UBAP2: variants seen among roughly 807,000 people sequenced by gnomAD.
UBAP2 encodes the protein ubiquitin-associated protein 2.
A neutral mutation model predicts 139.6 loss-of-function variants in UBAP2; 75 were observed. That is an observed-to-expected ratio of 0.54 (90% CI 0.45 to 0.65). UBAP2 has a LOEUF of 0.65. Among genes scored for constraint, UBAP2 ranks in the 30% least tolerant of loss-of-function variants. UBAP2 has a pLI of 0.00. For missense variants in UBAP2, 1,368 were observed against 1,369.6 expected, an observed-to-expected ratio of 1.00 and a Z score of 0.02; for synonymous variants, 526 against 526.2, an observed-to-expected ratio of 1.00 and a Z score of 0.01.
At chr9:33,949,575 C>T (rs1037662096) in intron 12 of UBAP2, among the ~76,000 whole-genome samples, 6 of 152,134 alleles carry the variant, frequency 3.9e-5, no homozygotes, top group Admixed American at 2.6e-4. Context: ...TGGTGGTGAA[C>T]GCCTGCAATC....
chr9:33,940,640 A>G (rs1307543475), intron 16 of UBAP2, among the ~76,000 whole-genome samples: 1 of 152,176 alleles, frequency 6.6e-6, no homozygotes, highest in African/African-American at 2.4e-5. Flanking sequence ...TCAGCCAGAC[A>G]TGGCAATGCA....
intron 8 of UBAP2, among the ~76,000 whole-genome samples, chr9:33,969,662 T>TGGATCATTTGAGAAAAGGAATATTGA (rs1554684836): frequency 1.4e-5 from 2 of 147,864 alleles, no homozygotes; most frequent in African/African-American, 2.5e-5. Context: ...AGGTCAGGAG[T>TGGATCATTTGAGAAAAGGAATATTGA]TCAAGACCAG....
chr9:34,007,733 G>A (rs1032382102), intron 2 of UBAP2, among the ~76,000 whole-genome samples: 3 of 149,190 alleles, frequency 2.0e-5, no homozygotes, highest in Non-Finnish European at 4.4e-5. Flanking sequence ...CTGCCTCCCC[G>A]ATTCACGCCA....
At chr9:33,992,191 C>A (rs1821767310) in intron 4 of UBAP2, among the ~76,000 whole-genome samples, 1 of 151,934 alleles carries the variant, frequency 6.6e-6, no homozygotes, top group African/African-American at 2.4e-5. Flanking sequence ...GAGTTCAAGA[C>A]CAGCCTGACC....
At chr9:34,008,673 A>G (rs1300298917) in intron 2 of UBAP2, among the ~76,000 whole-genome samples, 4 of 152,070 alleles carry the variant, frequency 2.6e-5, no homozygotes, top group African/African-American at 7.2e-5. Flanking sequence ...GCAATCCTTT[A>G]TGTAAAAAGC....
Position 33,922,544 on chromosome 9 carries a change from G to A in UBAP2, c.3320C>T (p.Ser1107Phe), listed in dbSNP as rs1822990924. The A allele has an allele frequency of 6.2e-7, 1 of 1,613,852 alleles. No homozygotes were observed. The highest frequency in any genetic ancestry group is 8.5e-7 in the Non-Finnish European group (1 of 1,180,004). ...PSSLQPKSQA[S>F]KPAYGNSPYW... ...TGGAGAGTTGCCGTAGGCAGGTTTG[G>A]AGGCTTGAGACTTGGGCTGCAGGGA... Residue 1107 changes from serine to phenylalanine, a missense_variant, in exon 29 of 29, where the codon TCC becomes TTC. Transcript: ENST00000379238.
At chr9:33,967,262 A>G (rs1827540024) in intron 8 of UBAP2, among the ~76,000 whole-genome samples, 1 of 152,174 alleles carries the variant, frequency 6.6e-6, no homozygotes, top group African/African-American at 2.4e-5. Context: ...ATTCTTTTAC[A>G]CAATCACAAA....
intron 16 of UBAP2, among the ~76,000 whole-genome samples, chr9:33,937,898 C>T (rs1015594745): frequency 7.2e-5 from 11 of 152,166 alleles, no homozygotes; most frequent in Admixed American, 6.5e-4. Flanking sequence ...GCCTGGGCAA[C>T]AACAGCAAAC....
At position 33,996,266 on chromosome 9, in the gene UBAP2, A is replaced by C; in HGVS notation, c.245T>G (p.Val82Gly). 6.2e-7 allele frequency: 1 copy of C among 1,613,754 alleles called. No individual in the cohort carries two copies. ...CAGCAATATATTGATAGCTTTGTTC[A>C]CATCTCCATTACAATCATGTAGGGC... is the stretch of plus-strand genomic sequence containing the variant. ...IVALHDCNGD[V>G]NKAINILLEG... Residue 82 changes from valine (V) to glycine (G), a missense_variant, in exon 4 of 29, where the codon GTG becomes GGG. Val to Gly is a moderately radical substitution (Grantham distance 109). Coordinates refer to ENST00000379238, the MANE Select transcript of UBAP2 (RefSeq NM_001370062.2).
rs769552411 is a variant in UBAP2, at chr9:33,924,278, A to G, written c.2518T>C (p.Tyr840His). The change falls in exon 23 of 29, where the codon TAT becomes CAT. Residue 840 changes from tyrosine (Y) to histidine (H), a missense_variant. Tyr to His is a moderately conservative substitution (Grantham distance 83). Coordinates refer to ENST00000379238, the MANE Select transcript of UBAP2 (RefSeq NM_001370062.2). ...MLQSRLPVDYYGIPFAAPTAL... is the reference protein window; with the variant it reads ...MLQSRLPVDYHGIPFAAPTAL... ...GTGGGTGCAGCAAAGGGAATTCCAT[A>G]GTAGTCCTAGGAGAGACCAGGGAGG... The G allele has an allele frequency of 1.2e-6, 2 of 1,614,044 alleles. No homozygotes were observed. The highest frequency in any genetic ancestry group is 1.7e-6 in the Non-Finnish European group (2 of 1,179,936).
In UBAP2 at chr9:33,922,878, T is replaced by C. The variant is rs1344155151; in HGVS notation, c.3073A>G (p.Thr1025Ala). Reference protein sequence around the residue: ...MTGSVYNKTQTFDKQGFHAGT... With the variant: ...MTGSVYNKTQAFDKQGFHAGT... ...GCATGAAATCCCTGCTTGTCAAAAG[T>C]CTACAGGGCAAAGAAGACAATGGTG... The change falls in exon 28 of 29, where the codon ACT (threonine) becomes GCT (alanine). Residue 1025 changes from threonine (T) to alanine (A), a missense_variant and splice_region_variant. By Grantham distance (58) the Thr-to-Ala change is moderately conservative. Transcript: ENST00000379238. 6.2e-7 allele frequency: 1 copy of C among 1,600,642 alleles called. No homozygotes were observed. Among genetic ancestry groups the C allele is most frequent in the East Asian group, 2.2e-5 (1 of 44,662 alleles).
chr9:33,932,738 AG>A lies in UBAP2; in HGVS notation c.2109-111del, dbSNP rs1426343886. ...TCAAACTTATCATAGTCCCTAGCAC[AG>A]GACCGGCTTCAGACCCATCCTCATT... On this transcript the variant is annotated intron_variant, in intron 18 of 28. Transcript: ENST00000379238. 10 of 1,178,576 alleles carry A rather than the reference AG, an allele frequency of 8.5e-6. No homozygotes were observed. In the African/African-American group the frequency reaches 1.5e-4, roughly 18 times the overall value. 73.0% of individuals were successfully genotyped at this position (1,178,576 alleles called of 1,614,324 possible). A position where few individuals can be genotyped will look rare whatever the true frequency, so the allele number is the denominator to read the frequency against.
Position 34,015,232 on chromosome 9 carries a change from T to C in UBAP2, c.99+1818A>G, listed in dbSNP as rs548890665. On this transcript the variant is annotated intron_variant, in intron 2 of 28. Transcript: ENST00000379238. ...ATGCTTAATTTTGCACCAGGTACTG[T>C]GCTTAGCACTTATCTCACTTCACTT... Among the ~76,000 whole-genome samples the C allele has an allele frequency of 2.0e-5, 3 of 152,344 alleles. No individual in the cohort carries two copies. In the East Asian group the frequency reaches 5.8e-4, roughly 29 times the overall value.
chr9:34,003,375 CTTT>C (rs34673994), intron 2 of UBAP2, among the ~76,000 whole-genome samples: 4,549 of 138,212 alleles, frequency 0.033, 104 homozygotes, highest in South Asian at 0.073. Flanking sequence ...TCAAAGATGG[CTTT>C]TTTTTTTTTT....
At chr9:33,989,196 T>C (rs945097353) in intron 4 of UBAP2, 70 bp from the exon 5 acceptor site, 2 of 1,423,886 alleles carry the variant, frequency 1.4e-6, no homozygotes, top group Non-Finnish European at 1.8e-6. Context: ...CACATGCATG[T>C]ATCTTTCTTT....
chr9:33,932,494 G>T, intron 19 of UBAP2, 68 bp downstream of exon 19: 1 of 1,576,100 alleles, frequency 6.3e-7, no homozygotes, highest in Non-Finnish European at 8.7e-7. Flanking sequence ...TGAAGCCCCA[G>T]CTGCATGTGA....
intron 1 of UBAP2, among the ~76,000 whole-genome samples, chr9:34,042,955 C>A (rs766980911): frequency 1.9e-4 from 29 of 151,876 alleles, no homozygotes; most frequent in Non-Finnish European, 5.9e-5. Flanking sequence ...GTGGTCCAAG[C>A]TACTCAGGAG....
intron 1 of UBAP2, among the ~76,000 whole-genome samples, chr9:34,040,891 A>G (rs1055487590): frequency 1.1e-4 from 16 of 152,208 alleles, no homozygotes; most frequent in Admixed American, 7.9e-4. Context: ...TCAGCTGACA[A>G]GCCTGAGAAC....
Position 33,986,717 on chromosome 9 carries a change from C to G in UBAP2, c.520+43G>C, listed in dbSNP as rs773556030. ...CCAGCAACGCAACTGCCTGCTTCTT[C>G]CCCCTAATTGAAAGCATTTTCTTCC... On this transcript the variant is annotated intron_variant, in intron 6 of 28. Transcript: ENST00000379238. 9.1e-6 allele frequency: 14 copies of G among 1,539,878 alleles called. No individual in the cohort carries two copies. The Admixed American group carries it at 1.7e-4, about 18-fold the overall frequency.
Sources: gnomAD v4.1 joint callset for allele counts (sites outside exome capture counted in the v4.1 genomes callset) on GRCh38, gnomAD v4.1.1 for gene constraint, MANE v1.5 for transcripts, NCBI Gene and HGNC (gene_info 2026-07-23, HGNC 2026-07-21) for gene names.